Variants in GRID2 observed in about 807,000 individuals in gnomAD.
GRID2 encodes glutamate ionotropic receptor delta type subunit 2, also known as glutamate receptor ionotropic, delta-2.
A neutral mutation model predicts 114.8 loss-of-function variants in GRID2; 33 were observed. The ratio of observed to expected loss-of-function variants is 0.29; its 90% CI spans 0.22 to 0.38. The LOEUF is 0.38. Among genes scored for constraint, GRID2 ranks in the 10% least tolerant of loss-of-function variants. GRID2 has a pLI of 1.00. For synonymous variants in GRID2, 505 were observed against 449.9 expected (o/e 1.12, Z -1.55); for missense variants, 1,184 against 1,257.7 (o/e 0.94, Z 0.89).
intron 1 of GRID2, among the ~76,000 whole-genome samples, chr4:92,372,599 T>C (rs1224279704): frequency 2.0e-5 from 3 of 152,188 alleles, no homozygotes; most frequent in Non-Finnish European, 2.9e-5. Flanking sequence ...CTCTTGCATG[T>C]ACTGGAAAAC....
intron 1 of GRID2, among the ~76,000 whole-genome samples, chr4:92,400,962 AAG>A (rs1156326569): frequency 6.6e-6 from 1 of 152,194 alleles, no homozygotes; most frequent in Non-Finnish European, 1.5e-5. Flanking sequence ...GTTAACATGT[AAG>A]AGTTATTTAA....
chr4:93,545,019 A>T (rs991875947), intron 13 of GRID2, among the ~76,000 whole-genome samples: 1 of 152,098 alleles, frequency 6.6e-6, no homozygotes, highest in African/African-American at 2.4e-5. Flanking sequence ...AAGTGAATTA[A>T]TCACTCACTT....
intron 4 of GRID2, among the ~76,000 whole-genome samples, chr4:93,133,750 C>T (rs906137451): frequency 6.6e-5 from 10 of 151,958 alleles, no homozygotes; most frequent in South Asian, 6.2e-4. Context: ...AAGCTATGCA[C>T]GGGTGAAGAA....
At chr4:92,586,813 A>G (rs1256461841) in intron 1 of GRID2, among the ~76,000 whole-genome samples, 2 of 152,054 alleles carry the variant, frequency 1.3e-5, no homozygotes, top group Non-Finnish European at 2.9e-5. Flanking sequence ...ACTCATAAAC[A>G]TTAATATTTT....
chr4:92,885,261 T>A (rs565649775), intron 2 of GRID2, among the ~76,000 whole-genome samples: 2 of 152,350 alleles, frequency 1.3e-5, no homozygotes, highest in East Asian at 3.9e-4. Flanking sequence ...ATGTTTCTAC[T>A]GTCTTTGTAG....
intron 2 of GRID2, among the ~76,000 whole-genome samples, chr4:92,675,637 G>T (rs184196102): frequency 6.7e-6 from 1 of 149,962 alleles, no homozygotes; most frequent in Admixed American, 6.7e-5. Context: ...TGCAAGCTCC[G>T]CCTCCCAGGG....
At chr4:93,721,161 A>G (rs1053384395) in intron 14 of GRID2, among the ~76,000 whole-genome samples, 6 of 152,204 alleles carry the variant, frequency 3.9e-5, no homozygotes, top group Non-Finnish European at 8.8e-5. Flanking sequence ...TGTGATGTGT[A>G]TTTCAAAGGT....
chr4:92,855,405 A>G (rs187008975), intron 2 of GRID2, among the ~76,000 whole-genome samples: 8 of 150,352 alleles, frequency 5.3e-5, no homozygotes, highest in Admixed American at 4.6e-4. Flanking sequence ...TATTATTTAT[A>G]TATGCCATAT....
chr4:93,230,175 C>T (rs926794615), intron 7 of GRID2, among the ~76,000 whole-genome samples: 1 of 151,040 alleles, frequency 6.6e-6, no homozygotes, highest in East Asian at 1.9e-4. Flanking sequence ...TGTGTGCATG[C>T]TATCATAAAT....
intron 2 of GRID2, among the ~76,000 whole-genome samples, chr4:92,665,714 T>G (rs1732737743): frequency 6.7e-6 from 1 of 150,312 alleles, no homozygotes; most frequent in Admixed American, 6.6e-5. Flanking sequence ...GTTGACATGT[T>G]TTTTTTTTCT....
At chr4:92,403,996 T>G (rs113910358) in intron 1 of GRID2, among the ~76,000 whole-genome samples, 191 of 152,132 alleles carry the variant, frequency 1.3e-3, no homozygotes, top group African/African-American at 4.5e-3. Context: ...TAATCACAGA[T>G]TAACATAATA....
At chr4:93,239,293 A>ATC (rs1561028099) in intron 8 of GRID2, among the ~76,000 whole-genome samples, 2 of 149,942 alleles carry the variant, frequency 1.3e-5, no homozygotes, top group African/African-American at 4.9e-5. Flanking sequence ...AATCATATGT[A>ATC]TATATACACA....
Position 93,602,641 on chromosome 4 carries a change from G to C in GRID2, c.2194-23628G>C. Among the ~76,000 whole-genome samples, 2 of 152,196 alleles carry C rather than the reference G, an allele frequency of 1.3e-5. 1 individual carries two copies. The highest frequency in any genetic ancestry group is 2.9e-5 in the Non-Finnish European group (2 of 68,026). On this transcript the variant is annotated intron_variant, in intron 13 of 15. Transcript: ENST00000282020. The stretch of plus-strand genomic sequence containing the variant: ...ATCAGTAAATGTGTTTGTTCTGGCT[G>C]CTTCACCGACTGACAGTTTACTCAT...
chr4:92,398,610 A>G (rs547123216), intron 1 of GRID2, among the ~76,000 whole-genome samples: 2 of 152,250 alleles, frequency 1.3e-5, no homozygotes, highest in East Asian at 3.9e-4. Context: ...CTTATTTTTA[A>G]AGGTGAGGTA....
chr4:93,649,515 T>A (rs1722402059), intron 14 of GRID2, among the ~76,000 whole-genome samples: 1 of 152,184 alleles, frequency 6.6e-6, no homozygotes, highest in Non-Finnish European at 1.5e-5. Flanking sequence ...TTTTTTCACT[T>A]AAAGAAGGAA....
chr4:93,260,398 TA>T (rs57375215), intron 8 of GRID2, among the ~76,000 whole-genome samples: 170 of 69,506 alleles, frequency 2.4e-3, no homozygotes, highest in African/African-American at 0.012. Flanking sequence ...GTAGTAAATA[TA>T]AAAAAAAATA....
rs560415103 is a variant in GRID2 at position 93,769,988 on chromosome 4, G to A, written c.2601+538G>A. ...TTATCAAATCCAAAATCCACATCAT[G>A]AAAACATCCAAATTTCAATGTTTCT... On this transcript the variant is annotated intron_variant, in intron 15 of 15. Transcript: ENST00000282020. Among the ~76,000 whole-genome samples, 6 of 152,206 alleles carry A rather than the reference G, an allele frequency of 3.9e-5. No homozygotes were observed. In the East Asian group the frequency reaches 7.7e-4, roughly 20 times the overall value.
chr4:92,561,914 G>T (rs572599725), intron 1 of GRID2, among the ~76,000 whole-genome samples: 4 of 152,234 alleles, frequency 2.6e-5, no homozygotes, highest in African/African-American at 4.8e-5. Flanking sequence ...TTCTGGTGGT[G>T]CTGTGACTAT....
chr4:92,810,124 A>C (rs1740599925), intron 2 of GRID2, among the ~76,000 whole-genome samples: 1 of 152,022 alleles, frequency 6.6e-6, no homozygotes, highest in African/African-American at 2.4e-5. Context: ...ATATCATCTA[A>C]TATTTGATTG....
Sources: gnomAD v4.1 joint callset for allele counts (sites outside exome capture counted in the v4.1 genomes callset) on GRCh38, gnomAD v4.1.1 for gene constraint, MANE v1.5 for transcripts, NCBI Gene and HGNC (gene_info 2026-07-23, HGNC 2026-07-21) for gene names.